The following ADGRV1 variants were observed in gnomAD, a reference collection of about 807,000 sequenced individuals.
ADGRV1 encodes the protein adhesion G protein-coupled receptor V1, also known as G-protein coupled receptor 98.
Under a neutral mutation model 596.2 loss-of-function variants are expected in ADGRV1, and 359 were observed. That is an observed-to-expected ratio of 0.60 (90% CI 0.55 to 0.66). The LOEUF is 0.66. Ranked by LOEUF, ADGRV1 falls within the 30% of genes least tolerant of loss-of-function variation. The pLI is 0.00. For synonymous variants in ADGRV1, 2,681 were observed against 2,679.2 expected (o/e 1.00, Z -0.02); for missense variants, 7,274 against 7,575.6 (o/e 0.96, Z 1.48).
At chr5:90,872,200 C>T (rs1768755668) in intron 83 of ADGRV1, among the ~76,000 whole-genome samples, 1 of 152,128 alleles carries the variant, frequency 6.6e-6, no homozygotes, top group African/African-American at 2.4e-5. Context: ...TTTCCTTGTA[C>T]TATAGGTAAT....
At chr5:90,660,041 A>G (rs1042243137) in intron 21 of ADGRV1, among the ~76,000 whole-genome samples, 5 of 152,104 alleles carry the variant, frequency 3.3e-5, no homozygotes, top group African/African-American at 1.2e-4. Flanking sequence ...AGAAAAAAAA[A>G]AAGAAAAAGA....
At chr5:91,115,642 TAAAAC>T (rs893206430) in intron 87 of ADGRV1, among the ~76,000 whole-genome samples, 6 of 152,024 alleles carry the variant, frequency 3.9e-5, no homozygotes, top group African/African-American at 1.4e-4. Flanking sequence ...AAAACTGAAA[TAAAAC>T]AATAGGGAAA....
chr5:91,110,067 T>A (rs779558556), intron 87 of ADGRV1, among the ~76,000 whole-genome samples: 3 of 152,210 alleles, frequency 2.0e-5, no homozygotes, highest in Non-Finnish European at 4.4e-5. Flanking sequence ...CCACAAGAAA[T>A]TCATAAGAAA....
intron 59 of ADGRV1, among the ~76,000 whole-genome samples, chr5:90,765,888 T>TA (rs1211153782): frequency 6.6e-6 from 1 of 151,348 alleles, no homozygotes; most frequent in East Asian, 1.9e-4. Context: ...TTTAATTTTT[T>TA]AAAAATTTAT....
chr5:90,805,346 G>C lies in ADGRV1; in HGVS notation c.14724G>C (p.Met4908Ile). The change falls in exon 72 of 90, where the codon ATG becomes ATC. Residue 4908 changes from methionine (M) to isoleucine (I), a missense_variant. Transcript: ENST00000405460. ...MNITAGTSHVMISRRGTYGAL... is the reference protein window; with the variant it reads ...MNITAGTSHVIISRRGTYGAL... ...TCACTGCTGGCACAAGCCACGTTAT[G>C]ATTTCTAGGAGAGGCACATATGGAG... 6.2e-7 allele frequency: 1 copy of C among 1,612,870 alleles called. No individual in the cohort carries two copies. Among genetic ancestry groups the C allele is most frequent in the Non-Finnish European group, 8.5e-7 (1 of 1,179,070 alleles).
At chr5:90,641,598 G>A (rs1437675512) in intron 11 of ADGRV1, among the ~76,000 whole-genome samples, 1 of 152,074 alleles carries the variant, frequency 6.6e-6, no homozygotes, top group Non-Finnish European at 1.5e-5. Flanking sequence ...CTATTCTGTG[G>A]CCACTAGCAT....
intron 50 of ADGRV1, among the ~76,000 whole-genome samples, chr5:90,739,748 G>C (rs115567086): frequency 2.5e-3 from 381 of 152,290 alleles, no homozygotes; most frequent in African/African-American, 8.9e-3. Flanking sequence ...TGGCTGGGAG[G>C]CTGGGTGAGG....
rs1027440071 is a variant in ADGRV1 at position 90,686,203 on chromosome 5, T to A, written c.6490+208T>A. On this transcript the variant is annotated intron_variant, in intron 29 of 89. Coordinates refer to ENST00000405460, the MANE Select transcript of ADGRV1 (RefSeq NM_032119.4). ...GTCTCGCTTGATTTTACAATTTTTT[T>A]ATTTTTATTTTTATTTTATTATTAT... Among the ~76,000 whole-genome samples the A allele has an allele frequency of 8.3e-4, 126 of 151,826 alleles. 1 individual carries two copies. Among genetic ancestry groups the A allele is most frequent in the African/African-American group, 2.9e-3 (122 of 41,386 alleles).
At chr5:90,951,893 A>G (rs536152957) in intron 83 of ADGRV1, among the ~76,000 whole-genome samples, 1 of 152,300 alleles carries the variant, frequency 6.6e-6, no homozygotes, top group Non-Finnish European at 1.5e-5. Flanking sequence ...GATATAAATT[A>G]TACTGTATAT....
intron 86 of ADGRV1, among the ~76,000 whole-genome samples, chr5:91,100,110 C>T (rs1206961562): frequency 6.6e-6 from 1 of 152,108 alleles, no homozygotes; most frequent in African/African-American, 2.4e-5. Flanking sequence ...CTGCTAGGGA[C>T]AACTTGGCAT....
Position 90,837,457 on chromosome 5 carries a change from GCCTC to G in ADGRV1, c.16612-3119_16612-3116del, listed in dbSNP as rs1253931918. 2.7e-5 allele frequency among the ~76,000 whole-genome samples: 4 copies of G among 148,780 alleles called. No individual in the cohort carries two copies. In the Admixed American group the frequency reaches 2.7e-4, roughly 10 times the overall value. ...GCGATCTTGGCTCACTGCAACCTCT[GCCTC>G]CTGGGTTCAAGCTATTCTCCCGGCT... On this transcript the variant is annotated intron_variant, in intron 77 of 89. Transcript: ENST00000405460.
rs1746191178 is a variant in ADGRV1 at position 90,689,558 on chromosome 5, T to C, written c.6491-303T>C. On this transcript the variant is annotated intron_variant, in intron 29 of 89. Coordinates refer to ENST00000405460, the MANE Select transcript of ADGRV1 (RefSeq NM_032119.4). ...TTTTTCTTGTAGTTAAGGGGGCCTA[T>C]CTTGTAATGAATGATTCTCTATTTA... is the stretch of plus-strand genomic sequence containing the variant. Among the ~76,000 whole-genome samples, 4 of 152,174 alleles carry C rather than the reference T, an allele frequency of 2.6e-5. No individual in the cohort carries two copies. In the South Asian group the frequency reaches 8.3e-4, roughly 32 times the overall value.
At chr5:90,631,658 G>T (rs373708772) in intron 9 of ADGRV1, among the ~76,000 whole-genome samples, 1 of 152,190 alleles carries the variant, frequency 6.6e-6, no homozygotes, top group East Asian at 1.9e-4. Flanking sequence ...ATTTTTCTTG[G>T]AGTGGAAAGA....
rs1580603297 is a variant in ADGRV1, at chr5:90,652,248, A to G, written c.3417-98A>G. The G allele has an allele frequency of 3.0e-5, 25 of 839,774 alleles. No individual in the cohort carries two copies. In the East Asian group the frequency reaches 6.8e-4, roughly 23 times the overall value. 52.0% of individuals were successfully genotyped at this position (839,774 alleles called of 1,614,324 possible). A position where few individuals can be genotyped will look rare whatever the true frequency, so the allele number is the denominator to read the frequency against. On this transcript the variant is annotated intron_variant, in intron 18 of 89. Coordinates refer to ENST00000405460, the MANE Select transcript of ADGRV1 (RefSeq NM_032119.4). ...AGAACCAGCTGGTTTGTTTCTTTTAAGACAATAGATAGTAAAAATATGTTT... is the reference window on the plus strand; with the variant it reads ...AGAACCAGCTGGTTTGTTTCTTTTAGGACAATAGATAGTAAAAATATGTTT...
chr5:90,657,842 A>C, intron 20 of ADGRV1, 63 bp from the exon 21 acceptor site: 2 of 1,449,024 alleles, frequency 1.4e-6, no homozygotes, highest in Non-Finnish European at 1.8e-6. Context: ...TCTGAATCAC[A>C]CGTAAAATTT....
intron 84 of ADGRV1, among the ~76,000 whole-genome samples, chr5:90,976,340 A>G (rs984495979): frequency 2.1e-5 from 3 of 145,604 alleles, no homozygotes; most frequent in African/African-American, 7.5e-5. Flanking sequence ...ATATATATAT[A>G]TATATATATG....
At chr5:90,807,335 C>A (rs188422753) in intron 72 of ADGRV1, among the ~76,000 whole-genome samples, 123 of 152,254 alleles carry the variant, frequency 8.1e-4, no homozygotes, top group African/African-American at 2.9e-3. Flanking sequence ...GCTTGCCTAA[C>A]ACCAGTATCT....
At chr5:91,137,135 TC>T (rs1237385262) in intron 87 of ADGRV1, among the ~76,000 whole-genome samples, 1 of 152,162 alleles carries the variant, frequency 6.6e-6, no homozygotes, top group Non-Finnish European at 1.5e-5. Context: ...TTTTCTTTTA[TC>T]CTTTTTTCTT....
chr5:90,599,293 A>C (rs1358189991), intron 1 of ADGRV1, among the ~76,000 whole-genome samples: 1 of 152,222 alleles, frequency 6.6e-6, no homozygotes, highest in East Asian at 1.9e-4. Flanking sequence ...ATTTTACAAA[A>C]TGTTTTATAC....
Sources: gnomAD v4.1 joint callset for allele counts (sites outside exome capture counted in the v4.1 genomes callset) on GRCh38, gnomAD v4.1.1 for gene constraint, MANE v1.5 for transcripts, NCBI Gene and HGNC (gene_info 2026-07-23, HGNC 2026-07-21) for gene names.